Variants in BTBD9 observed in about 807,000 individuals in gnomAD.
The protein encoded by BTBD9 is BTB/POZ domain-containing protein 9.
BTBD9 carries 49 observed loss-of-function variants against 64.3 expected under a neutral mutation model. The ratio of observed to expected loss-of-function variants is 0.76; its 90% CI spans 0.61 to 0.97. The LOEUF (loss-of-function observed/expected upper bound fraction) is 0.97. Among genes scored for constraint, BTBD9 ranks in the 50% least tolerant of loss-of-function variants. BTBD9 has a pLI of 0.00. For missense variants in BTBD9, 598 were observed against 762.1 expected (o/e 0.78, Z 2.53); for synonymous variants, 260 against 274.7 (o/e 0.95, Z 0.53).
At chr6:38,183,209 C>T (rs1338676650) in intron 10 of BTBD9, among the ~76,000 whole-genome samples, 1 of 152,140 alleles carries the variant, frequency 6.6e-6, no homozygotes, top group African/African-American at 2.4e-5. Context: ...CTCGATCTGA[C>T]CTCGTGATCT....
chr6:38,628,396 T>C (rs572924593), intron 1 of BTBD9, among the ~76,000 whole-genome samples: 64 of 152,326 alleles, frequency 4.2e-4, no homozygotes, highest in Non-Finnish European at 7.9e-4. Context: ...TGCTAACCTC[T>C]AGTTAGTGGG....
At chr6:38,627,657 G>A (rs890828535) in intron 1 of BTBD9, among the ~76,000 whole-genome samples, 1 of 152,020 alleles carries the variant, frequency 6.6e-6, no homozygotes, top group Non-Finnish European at 1.5e-5. Context: ...CAGGATGGGA[G>A]GGCGACTTAA....
rs527783242 is a variant in BTBD9 at position 38,328,924 on chromosome 6, G to A, written c.1264+16060C>T. Among the ~76,000 whole-genome samples, 3 of 146,620 alleles carry A rather than the reference G, an allele frequency of 2.0e-5. No individual in the cohort carries two copies. In the East Asian group the frequency reaches 6.4e-4, roughly 31 times the overall value. On this transcript the variant is annotated intron_variant, in intron 7 of 10. Coordinates refer to ENST00000481247, the MANE Select transcript of BTBD9 (RefSeq NM_001099272.2). ...ATCGTGCCACTGAACTCCAGCCTGGGTGACAGAGCAAGACTTCGTCTCAAA... is the reference window on the plus strand; with the variant it reads ...ATCGTGCCACTGAACTCCAGCCTGGATGACAGAGCAAGACTTCGTCTCAAA...
chr6:38,515,027 G>A (rs1383495811), intron 6 of BTBD9, among the ~76,000 whole-genome samples: 1 of 151,960 alleles, frequency 6.6e-6, no homozygotes, highest in Non-Finnish European at 1.5e-5. Flanking sequence ...ACCTACTTAT[G>A]TGGATATAAT....
intron 6 of BTBD9, among the ~76,000 whole-genome samples, chr6:38,564,942 A>G (rs987400748): frequency 6.6e-6 from 1 of 152,168 alleles, no homozygotes; most frequent in Non-Finnish European, 1.5e-5. Context: ...ATAAAAACAA[A>G]GCAGATAAAA....
chr6:38,299,264 C>T (rs898495771), intron 7 of BTBD9, among the ~76,000 whole-genome samples: 2 of 152,134 alleles, frequency 1.3e-5, no homozygotes, highest in African/African-American at 4.8e-5. Context: ...CATTGTTGGA[C>T]ATTTGGGTTG....
chr6:38,421,890 A>T (rs1767919062), intron 6 of BTBD9, among the ~76,000 whole-genome samples: 1 of 152,242 alleles, frequency 6.6e-6, no homozygotes, highest in African/African-American at 2.4e-5. Context: ...CTTGGCAAAA[A>T]ATATGCATGT....
At chr6:38,520,407 G>A (rs965088692) in intron 6 of BTBD9, among the ~76,000 whole-genome samples, 5 of 151,250 alleles carry the variant, frequency 3.3e-5, no homozygotes, top group African/African-American at 4.9e-5. Flanking sequence ...GTTGCAGTGA[G>A]CCGAGATCAC....
chr6:38,541,673 G>C (rs899620601), intron 6 of BTBD9, among the ~76,000 whole-genome samples: 1 of 152,136 alleles, frequency 6.6e-6, no homozygotes, highest in Non-Finnish European at 1.5e-5. Context: ...AGGAGATGGA[G>C]GTTGCTGTGA....
chr6:38,611,822 A>G (rs1777627218), intron 1 of BTBD9, among the ~76,000 whole-genome samples: 1 of 152,098 alleles, frequency 6.6e-6, no homozygotes, highest in Non-Finnish European at 1.5e-5. Context: ...TTACTAACCA[A>G]GGTTATACTC....
At chr6:38,331,151 G>A (rs889532149) in intron 7 of BTBD9, among the ~76,000 whole-genome samples, 4 of 152,298 alleles carry the variant, frequency 2.6e-5, no homozygotes, top group Admixed American at 1.3e-4. Context: ...AAAAGGCAAG[G>A]AATAAATATC....
intron 6 of BTBD9, among the ~76,000 whole-genome samples, chr6:38,406,398 A>G (rs1212896541): frequency 6.6e-6 from 1 of 152,196 alleles, no homozygotes; most frequent in African/African-American, 2.4e-5. Flanking sequence ...AGCAAGCCCC[A>G]CATCACACTG....
intron 6 of BTBD9, among the ~76,000 whole-genome samples, chr6:38,573,396 C>T (rs1027485510): frequency 2.6e-5 from 4 of 151,952 alleles, no homozygotes; most frequent in Admixed American, 1.3e-4. Context: ...AGAAAGAAAC[C>T]GTTTTGTATT....
chr6:38,325,113 A>G (rs1374891574), intron 7 of BTBD9, among the ~76,000 whole-genome samples: 1 of 152,232 alleles, frequency 6.6e-6, no homozygotes, highest in Non-Finnish European at 1.5e-5. Context: ...ATAAATCTTA[A>G]TACTGGGTGA....
intron 1 of BTBD9, among the ~76,000 whole-genome samples, chr6:38,611,780 T>G (rs568669470): frequency 9.8e-4 from 150 of 152,334 alleles, no homozygotes; most frequent in African/African-American, 3.5e-3. Context: ...TCCCCTTGTA[T>G]TCAGTGGGTA....
chr6:38,385,937 G>A (rs1462279713), intron 6 of BTBD9, among the ~76,000 whole-genome samples: 2 of 151,690 alleles, frequency 1.3e-5, no homozygotes, highest in African/African-American at 4.8e-5. Flanking sequence ...TGGGACTACA[G>A]GTGCATGCCA....
At chr6:38,374,296 T>TATATATATATATATATATATATATACAC (rs1491482634) in intron 6 of BTBD9, among the ~76,000 whole-genome samples, 1 of 70,652 alleles carries the variant, frequency 1.4e-5, no homozygotes. Context: ...TATATATATA[T>TATATATATATATATATATATATATACAC]GTATATATAT....
chr6:38,628,725 A>G (rs1461752308), intron 1 of BTBD9, among the ~76,000 whole-genome samples: 2 of 152,218 alleles, frequency 1.3e-5, no homozygotes, highest in African/African-American at 4.8e-5. Context: ...ATAGAAAGGT[A>G]TGGAATACAC....
At chr6:38,449,631 G>A (rs1384731786) in intron 6 of BTBD9, among the ~76,000 whole-genome samples, 2 of 152,290 alleles carry the variant, frequency 1.3e-5, no homozygotes, top group Admixed American at 1.3e-4. Context: ...TCAGCTGGAT[G>A]CAGTGGCTTA....
Sources: allele counts gnomAD v4.1 joint callset (sites outside exome capture counted in the v4.1 genomes callset), GRCh38; gene constraint gnomAD v4.1.1; transcripts MANE v1.5; gene names NCBI Gene and HGNC (gene_info 2026-07-23, HGNC 2026-07-21).